TEKT5: variants seen among roughly 807,000 people sequenced by gnomAD.
The protein encoded by TEKT5 is tektin 5, also known as tektin-5.
Under a neutral mutation model 48.7 loss-of-function variants are expected in TEKT5, and 52 were observed. The ratio of observed to expected loss-of-function variants is 1.07; its 90% CI spans 0.86 to 1.35. The LOEUF (loss-of-function observed/expected upper bound fraction) is 1.35. Ranked by LOEUF, TEKT5 falls within the 40% of genes most tolerant of loss-of-function variation. The pLI is 0.00. For missense variants in TEKT5, 831 were observed against 641.6 expected (o/e 1.30, Z -3.19); for synonymous variants, 318 against 267.6 (o/e 1.19, Z -1.84).
intron 5 of TEKT5, among the ~76,000 whole-genome samples, chr16:10,675,207 A>T (rs1265483815): frequency 6.6e-6 from 1 of 152,210 alleles, no homozygotes; most frequent in African/African-American, 2.4e-5. Flanking sequence ...CTTTCTGTGT[A>T]TAAATTTCAC....
intron 5 of TEKT5, chr16:10,671,576 A>G (rs1297812058): frequency 6.6e-6 from 1 of 152,258 alleles, no homozygotes. Flanking sequence ...TATGAAGTCC[A>G]TAGAGTAGTC....
At chr16:10,674,915 C>G (rs1339731948) in intron 5 of TEKT5, among the ~76,000 whole-genome samples, 1 of 151,772 alleles carries the variant, frequency 6.6e-6, no homozygotes. Flanking sequence ...CTCTGCCTCC[C>G]AAGTTCAAGC....
intron 1 of TEKT5, among the ~76,000 whole-genome samples, chr16:10,693,354 C>T (rs1899015100): frequency 6.6e-6 from 1 of 152,206 alleles, no homozygotes; most frequent in South Asian, 2.1e-4. Flanking sequence ...CCTGGCCTCA[C>T]AAAGTGCTGG....
Position 10,689,842 on chromosome 16 carries a change from C to T in TEKT5, c.648+100G>A, listed in dbSNP as rs990908796. On this transcript the variant is annotated intron_variant, in intron 2 of 6. Transcript: ENST00000283025. ...AGCCCTCACTTTCCACACAGTGACA[C>T]GTGTGGCTTCTGCTCCTGACAGGTA... The T allele has an allele frequency of 3.9e-5, 45 of 1,142,712 alleles. No individual in the cohort carries two copies. The African/African-American group carries it at 4.9e-4, about 12-fold the overall frequency. 70.8% of individuals were successfully genotyped at this position (1,142,712 alleles called of 1,614,324 possible).
intron 5 of TEKT5, among the ~76,000 whole-genome samples, chr16:10,665,479 C>T (rs932787127): frequency 4.6e-5 from 7 of 152,166 alleles, no homozygotes; most frequent in African/African-American, 1.7e-4. Context: ...GCTGCCCTCT[C>T]CCGTGTTCGT....
At chr16:10,689,586 A>T (rs536724252) in intron 2 of TEKT5, among the ~76,000 whole-genome samples, 296 of 142,954 alleles carry the variant, frequency 2.1e-3, no homozygotes, top group Non-Finnish European at 3.2e-3. Context: ...AAGAAAATTT[A>T]GCACCTACCA....
intron 5 of TEKT5, among the ~76,000 whole-genome samples, chr16:10,636,690 CGTGTGTGTGTGTGTGTGTGT>C (rs34623422): frequency 6.9e-6 from 1 of 145,182 alleles, no homozygotes; most frequent in African/African-American, 2.6e-5. Flanking sequence ...TACATACATA[CGTGTGTGTGTGTGTGTGTGT>C]GTGTGTGTGT....
intron 5 of TEKT5, among the ~76,000 whole-genome samples, chr16:10,636,902 C>T (rs148742466): frequency 0.014 from 2,070 of 151,684 alleles, 56 homozygotes; most frequent in African/African-American, 0.048. Flanking sequence ...CTGCAAACTC[C>T]GCCCCCCAAG....
At chr16:10,638,107 T>C (rs922733846) in intron 5 of TEKT5, among the ~76,000 whole-genome samples, 2 of 152,272 alleles carry the variant, frequency 1.3e-5, no homozygotes, top group Middle Eastern at 3.4e-3. Context: ...CCACAGCACC[T>C]GGTGGGAGTC....
chr16:10,668,149 G>A (rs1898490555), intron 5 of TEKT5, among the ~76,000 whole-genome samples: 1 of 151,944 alleles, frequency 6.6e-6, no homozygotes, highest in Admixed American at 6.6e-5. Flanking sequence ...AAAGTGCTGG[G>A]ATTACAGATG....
At chr16:10,644,594 T>C (rs1898042880) in intron 5 of TEKT5, among the ~76,000 whole-genome samples, 1 of 152,152 alleles carries the variant, frequency 6.6e-6, no homozygotes, top group Non-Finnish European at 1.5e-5. Flanking sequence ...TTCCTGGATC[T>C]ATTTGTCTGC....
intron 5 of TEKT5, among the ~76,000 whole-genome samples, chr16:10,652,102 C>T (rs1001219359): frequency 3.3e-5 from 5 of 152,210 alleles, no homozygotes; most frequent in African/African-American, 1.2e-4. Flanking sequence ...CATAATCATT[C>T]CTAGTCCATG....
intron 3 of TEKT5, among the ~76,000 whole-genome samples, chr16:10,683,028 T>C (rs1898784461): frequency 6.6e-6 from 1 of 152,146 alleles, no homozygotes; most frequent in Non-Finnish European, 1.5e-5. Context: ...ATAAAATATA[T>C]GTATATATGT....
intron 1 of TEKT5, among the ~76,000 whole-genome samples, chr16:10,694,019 G>C (rs888664978): frequency 4.6e-5 from 7 of 152,248 alleles, no homozygotes; most frequent in African/African-American, 1.4e-4. Flanking sequence ...TTAAGGACCA[G>C]AACACACACA....
intron 5 of TEKT5, among the ~76,000 whole-genome samples, chr16:10,655,485 A>T (rs950353540): frequency 6.6e-6 from 1 of 152,220 alleles, no homozygotes; most frequent in Non-Finnish European, 1.5e-5. Flanking sequence ...ATGTAAGATT[A>T]TGTATGTTTA....
intron 4 of TEKT5, among the ~76,000 whole-genome samples, chr16:10,679,807 G>C (rs994192342): frequency 1.3e-5 from 2 of 152,160 alleles, no homozygotes; most frequent in African/African-American, 4.8e-5. Context: ...TGAGGCAGGA[G>C]CATCGCTTGA....
At chr16:10,636,411 G>T (rs534357204) in intron 5 of TEKT5, among the ~76,000 whole-genome samples, 3 of 151,476 alleles carry the variant, frequency 2.0e-5, no homozygotes, top group South Asian at 2.1e-4. Flanking sequence ...CTGAGAAGCC[G>T]CTTCAGGTAT....
At chr16:10,649,862 G>A (rs554412132) in intron 5 of TEKT5, among the ~76,000 whole-genome samples, 4 of 152,300 alleles carry the variant, frequency 2.6e-5, no homozygotes, top group Admixed American at 2.6e-4. Context: ...AGATAATGCA[G>A]GTGAGAGAGA....
chr16:10,690,108 C>G, intron 1 of TEKT5, 83 bp from the exon 2 acceptor site: 1 of 1,451,708 alleles, frequency 6.9e-7, no homozygotes, highest in Non-Finnish European at 9.5e-7. Context: ...CCACCCTTGC[C>G]ACAATCTGTT....
Sources: allele counts gnomAD v4.1 joint callset (sites outside exome capture counted in the v4.1 genomes callset), GRCh38; gene constraint gnomAD v4.1.1; transcripts MANE v1.5; gene names NCBI Gene and HGNC (gene_info 2026-07-23, HGNC 2026-07-21).